Variants in TRANK1 observed in about 807,000 individuals in gnomAD.
TRANK1 encodes tetratricopeptide repeat and ankyrin repeat containing 1.
In TRANK1, 198 loss-of-function variants were observed where a neutral mutation model predicts 266.0. The observed-to-expected ratio is 0.74, with a 90% CI of 0.66 to 0.84. The LOEUF (loss-of-function observed/expected upper bound fraction) is 0.84. TRANK1 is among the 40% of genes least tolerant of loss of function. The pLI is 0.00. For missense variants in TRANK1, 3,326 were observed against 3,634.6 expected (o/e 0.92, Z 2.18); for synonymous variants, 1,396 against 1,384.1 (o/e 1.01, Z -0.19).
In TRANK1 at chr3:36,856,960, G is replaced by A. The variant is rs749482435; in HGVS notation, c.2762C>T (p.Thr921Met). 2.7e-5 allele frequency: 44 copies of A among 1,613,646 alleles called. 1 individual carries two copies. In the East Asian group the frequency reaches 5.8e-4, roughly 21 times the overall value. The part of the protein sequence containing the change: ...CSENPEKIIA[T>M]EQNTCAMEKS... ...CTCCATTGCACACGTGTTCTGCTCC[G>A]TGGCAATGATCTTCTCAGGGTTCTC... The change falls in exon 13 of 24, where the codon ACG becomes ATG. Residue 921 changes from threonine (T) to methionine (M), a missense_variant. Transcript: ENST00000645898.
rs1238650453 is a variant in TRANK1, at chr3:36,833,013, T to C, written c.6570A>G (p.Gly2190=). ...AGCCTACAATAAACCTCATGCAGAC[T>C]CCTCGGTAGGTCTTCCCAAGCAGGC... ...TRSLLGKTYR[G]VCMRFIVGLK... is the part of the protein sequence containing the mutation. The change falls in exon 22 of 24, where the codon GGA becomes GGG. Residue 2190 remains glycine (G), a synonymous_variant. Coordinates refer to ENST00000645898, the MANE Select transcript of TRANK1 (RefSeq NM_001329998.2). The C allele has an allele frequency of 3.1e-6, 5 of 1,612,362 alleles. No individual in the cohort carries two copies. The highest frequency in any genetic ancestry group is 1.3e-5 in the African/African-American group (1 of 75,002).
intron 22 of TRANK1, 41 bp from the exon 23 acceptor site, chr3:36,829,703 T>C: frequency 1.3e-6 from 2 of 1,596,580 alleles, no homozygotes; most frequent in Non-Finnish European, 1.7e-6. Context: ...AAAGATGCCA[T>C]TGCAGGAACT....
At chr3:36,872,003 T>C (rs1220095384) in intron 9 of TRANK1, among the ~76,000 whole-genome samples, 1 of 152,240 alleles carries the variant, frequency 6.6e-6, no homozygotes, top group Non-Finnish European at 1.5e-5. Flanking sequence ...AATAAATGCT[T>C]ACCAACTATT....
chr3:36,879,647 TATATATAA>T (rs1260758966), intron 8 of TRANK1, among the ~76,000 whole-genome samples: 4 of 70,822 alleles, frequency 5.6e-5, no homozygotes, highest in African/African-American at 7.6e-5. Flanking sequence ...AATATACAAA[TATATATAA>T]ATATATAAAT....
chr3:36,908,469 G>A lies in TRANK1; in HGVS notation c.24-15C>T. 2 of 1,232,180 alleles carry A rather than the reference G, an allele frequency of 1.6e-6. No individual in the cohort carries two copies. Among genetic ancestry groups the A allele is most frequent in the South Asian group, 8.2e-5 (2 of 24,318 alleles). 76.3% of individuals were successfully genotyped at this position (1,232,180 alleles called of 1,614,324 possible). On this transcript the variant is annotated splice_polypyrimidine_tract_variant and intron_variant, in intron 1 of 23. Coordinates refer to ENST00000645898, the MANE Select transcript of TRANK1 (RefSeq NM_001329998.2). ...TCAGGTCCATCCTGTGAGGAGACGG[G>A]GGAGACGCTTGCTGCCAGACCCGTG...
In TRANK1 at chr3:36,831,885, G is replaced by A. The variant is rs775147127; in HGVS notation, c.7698C>T (p.Cys2566=). ...SGEAERTLVL[C]LVMLVNAEEI... ...CCTCAGCATTCACTAGCATCACCAA[G>A]CACAGCACCAGTGTCCGCTCAGCCT... The change falls in exon 22 of 24, where the codon TGC becomes TGT. Residue 2566 remains cysteine (C), a synonymous_variant. Transcript: ENST00000645898. The surrounding 1 kb of genome is among the most constrained non-coding windows in gnomAD (Gnocchi z 5.0). 3 of 1,613,996 alleles carry A rather than the reference G, an allele frequency of 1.9e-6. No individual in the cohort carries two copies. The highest frequency in any genetic ancestry group is 2.5e-6 in the Non-Finnish European group (3 of 1,179,898).
chr3:36,941,594 T>A (rs775052630), intron 1 of TRANK1, among the ~76,000 whole-genome samples: 1 of 150,472 alleles, frequency 6.6e-6, no homozygotes. Context: ...ACCTAAGGAG[T>A]GACCAAAGGA....
intron 8 of TRANK1, among the ~76,000 whole-genome samples, chr3:36,877,801 T>C (rs906349598): frequency 1.3e-5 from 2 of 152,206 alleles, no homozygotes; most frequent in Non-Finnish European, 2.9e-5. Context: ...ATCACATTCT[T>C]TGAAAGTGTC....
chr3:36,910,190 T>C (rs1287875984), intron 1 of TRANK1, among the ~76,000 whole-genome samples: 1 of 152,132 alleles, frequency 6.6e-6, no homozygotes, highest in East Asian at 1.9e-4. Flanking sequence ...AGTGGGTAAA[T>C]AGGATCACCC....
At chr3:36,924,347 G>A (rs1209009489) in intron 1 of TRANK1, among the ~76,000 whole-genome samples, 1 of 152,104 alleles carries the variant, frequency 6.6e-6, no homozygotes, top group Non-Finnish European at 1.5e-5. Flanking sequence ...ATCTTGGCAG[G>A]ATGTCCCAAG....
chr3:36,913,496 T>A (rs2080083071), intron 1 of TRANK1, among the ~76,000 whole-genome samples: 1 of 151,842 alleles, frequency 6.6e-6, no homozygotes, highest in African/African-American at 2.4e-5. Flanking sequence ...TTTCTTTCTC[T>A]CCTCTCCTCT....
At chr3:36,940,553 C>T (rs539573541) in intron 1 of TRANK1, among the ~76,000 whole-genome samples, 1 of 152,088 alleles carries the variant, frequency 6.6e-6, no homozygotes, top group African/African-American at 2.4e-5. Flanking sequence ...TCTCTTCCAC[C>T]TGGCAATCCT....
chr3:36,856,644 G>T lies in TRANK1; in HGVS notation c.3078C>A (p.Ile1026=). 6.2e-7 allele frequency: 1 copy of T among 1,614,038 alleles called. No homozygotes were observed. Among genetic ancestry groups the T allele is most frequent in the Non-Finnish European group, 8.5e-7 (1 of 1,179,896 alleles). ...TGGTGCTGAAGCTGTGGAACTTCAT[G>T]ATGTTATATTCTGTCTCCACTGCAC... The part of the protein sequence containing the change: ...PASAVETEYN[I]MKFHSFSTNM... Residue 1026 remains isoleucine (I), a synonymous_variant, in exon 13 of 24, where the codon ATC becomes ATA. Coordinates refer to ENST00000645898, the MANE Select transcript of TRANK1 (RefSeq NM_001329998.2).
At chr3:36,858,098 G>A (rs1488057308) in intron 12 of TRANK1, 49 bp from the exon 13 acceptor site, 3 of 1,420,956 alleles carry the variant, frequency 2.1e-6, no homozygotes, top group Non-Finnish European at 2.8e-6. Flanking sequence ...CTCTTCTTAG[G>A]GGACAGCAGA....
At position 36,893,071 on chromosome 3, in the gene TRANK1, A is replaced by G. The variant is rs1209123564; in HGVS notation, c.553-87T>C. 1.3e-5 allele frequency: 8 copies of G among 613,484 alleles called. No individual in the cohort carries two copies. In the African/African-American group the frequency reaches 1.4e-4, roughly 10 times the overall value. The allele number at this position is 613,484 out of a possible 1,614,324, so 38.0% of individuals were successfully genotyped here. On this transcript the variant is annotated intron_variant, in intron 5 of 23. Coordinates refer to ENST00000645898, the MANE Select transcript of TRANK1 (RefSeq NM_001329998.2). Reference sequence around the variant, plus strand: ...AAAAAGTTATTTTAAGCTTTAAAACAAGCAAATAAAAAAAAACCACTCTCT... The same window carrying G: ...AAAAAGTTATTTTAAGCTTTAAAACGAGCAAATAAAAAAAAACCACTCTCT...
chr3:36,903,616 C>G (rs972655399), intron 2 of TRANK1, among the ~76,000 whole-genome samples: 1 of 152,228 alleles, frequency 6.6e-6, no homozygotes, highest in Non-Finnish European at 1.5e-5. Flanking sequence ...CCTGTGCAGG[C>G]CCTGGGAGCA....
At position 36,944,975 on chromosome 3, in the gene TRANK1, G is replaced by A. The variant is rs1056730709; in HGVS notation, c.-166C>T. On this transcript the variant is annotated 5_prime_UTR_variant, in exon 1 of 24. Transcript: ENST00000645898. The stretch of plus-strand genomic sequence containing the variant: ...GGGGGCCCCCAGCTGCCTGCGGCTC[G>A]GCTACCCAGCCGCGATCAGAGGGGG... The A allele has an allele frequency of 3.3e-6, 2 of 599,198 alleles. No individual in the cohort carries two copies. Among genetic ancestry groups the A allele is most frequent in the Non-Finnish European group, 5.2e-6 (2 of 382,752 alleles). 37.1% of individuals were successfully genotyped at this position (599,198 alleles called of 1,614,324 possible). A position where few individuals can be genotyped will look rare whatever the true frequency, so the allele number is the denominator to read the frequency against.
chr3:36,884,003 A>G (rs1052348055), intron 8 of TRANK1, among the ~76,000 whole-genome samples: 3 of 152,250 alleles, frequency 2.0e-5, no homozygotes, highest in African/African-American at 7.2e-5. Flanking sequence ...AAATCTAGTC[A>G]GTAAATGTGT....
chr3:36,909,773 C>T (rs1385572611), intron 1 of TRANK1, among the ~76,000 whole-genome samples: 2 of 152,138 alleles, frequency 1.3e-5, no homozygotes, highest in Non-Finnish European at 2.9e-5. Context: ...AACTGTACTC[C>T]ACTTCTTAAG....
Sources: allele counts gnomAD v4.1 joint callset (sites outside exome capture counted in the v4.1 genomes callset), GRCh38; gene constraint gnomAD v4.1.1; non-coding constraint Gnocchi (gnomAD v3.1); transcripts MANE v1.5; gene names NCBI Gene and HGNC (gene_info 2026-07-23, HGNC 2026-07-21).